Variants in MYH13 observed in about 807,000 individuals in gnomAD.
MYH13 encodes the protein myosin heavy chain 13, also known as myosin-13.
Under a neutral mutation model 232.1 loss-of-function variants are expected in MYH13, and 177 were observed. The observed-to-expected ratio is 0.76, with a 90% confidence interval of 0.67 to 0.86. The LOEUF (loss-of-function observed/expected upper bound fraction) is 0.86, where lower values mean the gene tolerates loss of function less well. MYH13 is among the 40% of genes least tolerant of loss of function. The probability of loss-of-function intolerance (pLI) is 0.00; values close to 1 mark genes in which losing one functional copy is unlikely to be tolerated. For missense variants in MYH13, 2,246 were observed against 2,405.9 expected (o/e 0.93, Z 1.39); for synonymous variants, 884 against 923.5 (o/e 0.96, Z 0.78).
intron 24 of MYH13, among the ~76,000 whole-genome samples, chr17:10,320,938 T>C (rs1990226): frequency 0.14 from 21,856 of 152,178 alleles, 1,979 homozygotes; most frequent in East Asian, 0.41. Flanking sequence ...TGTGTGCACA[T>C]ACACACATGC....
At chr17:10,354,852 C>T (rs1453721949) in intron 10 of MYH13, 43 bp downstream of exon 10, 4 of 1,587,776 alleles carry the variant, frequency 2.5e-6, no homozygotes, top group Non-Finnish European at 3.5e-6. Context: ...TTTTTCCCAA[C>T]GTCACCGATT....
In MYH13 at chr17:10,308,100, G is replaced by A. The variant is rs1484726095; in HGVS notation, c.5170-1036C>T. ...AGAGCTTTGGGAGGCTGAGGCGGGC[G>A]GATCACCTGAAGTCAGGAGATCGAG... On this transcript the variant is annotated intron_variant, in intron 35 of 40. Coordinates refer to ENST00000252172, the MANE Select transcript of MYH13 (RefSeq NM_003802.3). 3.9e-5 allele frequency among the ~76,000 whole-genome samples: 6 copies of A among 151,992 alleles called. No homozygotes were observed. The East Asian group carries it at 5.8e-4, about 15-fold the overall frequency.
intron 29 of MYH13, 128 bp from the exon 30 acceptor site, chr17:10,313,482 A>T: frequency 7.1e-7 from 1 of 1,399,654 alleles, no homozygotes. Context: ...TTGCCATATC[A>T]GCATATCACC....
rs375506104 is a variant in MYH13 at position 10,364,328 on chromosome 17, C to T, written c.203G>A (p.Arg68Gln). 12 of 1,612,264 alleles carry T rather than the reference C, an allele frequency of 7.4e-6. No homozygotes were observed. The highest frequency in any genetic ancestry group is 2.2e-5 in the South Asian group (2 of 90,850). ...DKVIVKTLDD[R>Q]MLTLNNDQVF... ...AAGACATCTGTAATCAACACTCACC[C>T]GGTCATCGAGGGTCTTGACTATGAC... The change falls in exon 3 of 41, where the codon CGG becomes CAG. Residue 68 changes from arginine to glutamine, a missense_variant and splice_region_variant. Physicochemically the swap from Arg to Gln is conservative, Grantham distance 43. Transcript: ENST00000252172.
At chr17:10,307,101 A>G in intron 35 of MYH13, 37 bp from the exon 36 acceptor site, 1 of 1,597,234 alleles carries the variant, frequency 6.3e-7, no homozygotes, top group Non-Finnish European at 8.5e-7. Context: ...TGTGGGTTCT[A>G]TTGGGGCGCT....
intron 2 of MYH13, among the ~76,000 whole-genome samples, chr17:10,365,956 C>T: frequency 6.6e-6 from 1 of 151,730 alleles, no homozygotes; most frequent in Non-Finnish European, 1.5e-5. Context: ...TAAACTATCT[C>T]CCTTTGCTGC....
At chr17:10,340,055 C>T (rs1230974922) in intron 18 of MYH13, 95 bp downstream of exon 18, 3 of 1,048,880 alleles carry the variant, frequency 2.9e-6, no homozygotes, top group African/African-American at 1.6e-5. Context: ...TGATACAGAC[C>T]ATCACTCTTT....
At position 10,340,191 on chromosome 17, in the gene MYH13, T is replaced by A. The variant is rs1452127277; in HGVS notation, c.2015A>T (p.His672Leu). Residue 672 changes from histidine (H) to leucine (L), a missense_variant, in exon 18 of 41, where the codon CAC (histidine) becomes CTC (leucine). Physicochemically the swap from His to Leu is moderately conservative, Grantham distance 99 (BLOSUM62 -3). Coordinates refer to ENST00000252172, the MANE Select transcript of MYH13 (RefSeq NM_003802.3). Reference sequence around the variant, plus strand: ...ATTGGGAATCAGACATCGTACAAAGTGAGGGTGGGTGCTCCTTAAGTTAGT... The same window carrying A: ...ATTGGGAATCAGACATCGTACAAAGAGAGGGTGGGTGCTCCTTAAGTTAGT... ...LMTNLRSTHPHFVRCLIPNET... is the reference protein window; with the variant it reads ...LMTNLRSTHPLFVRCLIPNET... 1.2e-6 allele frequency: 2 copies of A among 1,614,016 alleles called. No homozygotes were observed. The highest frequency in any genetic ancestry group is 2.2e-5 in the South Asian group (2 of 91,052).
Position 10,313,150 on chromosome 17 carries a change from G to A in MYH13, c.4181+8C>T. ...CCCCCTCTGCTATTGCCACCCTGGA[G>A]CCCCTACTTGGCCTCCTCCAGCTCC... On this transcript the variant is annotated splice_region_variant and intron_variant, in intron 30 of 40. Coordinates refer to ENST00000252172, the MANE Select transcript of MYH13 (RefSeq NM_003802.3). 6.2e-7 allele frequency: 1 copy of A among 1,614,050 alleles called. No homozygotes were observed. The highest frequency in any genetic ancestry group is 1.1e-5 in the South Asian group (1 of 91,072).
In MYH13 at chr17:10,345,106, G is replaced by A; in HGVS notation, c.1584+96C>T. 1.1e-5 allele frequency: 18 copies of A among 1,599,740 alleles called. No individual in the cohort carries two copies. The South Asian group carries it at 1.6e-4, about 14-fold the overall frequency. On this transcript the variant is annotated intron_variant, in intron 15 of 40. Coordinates refer to ENST00000252172, the MANE Select transcript of MYH13 (RefSeq NM_003802.3). ...CTATCTGAAGGCTTGCAGCCTGGGG[G>A]CTAGGGGCCCCAATCTGTGAGCAGA...
chr17:10,371,521 C>T lies in MYH13; in HGVS notation c.-63-262G>A, dbSNP rs186108411. Among the ~76,000 whole-genome samples the T allele has an allele frequency of 1.1e-3, 164 of 152,246 alleles. 1 individual carries two copies. The highest frequency in any genetic ancestry group is 1.7e-3 in the Non-Finnish European group (118 of 68,020). ...GTGTGTACAATGTACTGTGTCAGCT[C>T]CTTAAGGGGGTATGAAGAGGAAAGT... On this transcript the variant is annotated intron_variant, in intron 1 of 40. Transcript: ENST00000252172.
chr17:10,320,641 A>T, intron 24 of MYH13, 145 bp from the exon 25 acceptor site: 1 of 870,690 alleles, frequency 1.1e-6, no homozygotes, highest in Non-Finnish European at 1.7e-6. Flanking sequence ...GGAGGAAGCA[A>T]GTCTTGCCCC....
chr17:10,333,686 C>T (rs972002940), intron 18 of MYH13, among the ~76,000 whole-genome samples: 2 of 152,164 alleles, frequency 1.3e-5, no homozygotes, highest in African/African-American at 4.8e-5. Flanking sequence ...GTGGGTGTAT[C>T]GCCTGAGGTC....
In MYH13 at chr17:10,327,960, T is replaced by A; in HGVS notation, c.2597A>T (p.Glu866Val). 1 of 1,614,128 alleles carries A rather than the reference T, an allele frequency of 6.2e-7. No individual in the cohort carries two copies. Among genetic ancestry groups the A allele is most frequent in the Non-Finnish European group, 8.5e-7 (1 of 1,180,022 alleles). Residue 866 changes from glutamate to valine, a missense_variant, in exon 22 of 41, where the codon GAA becomes GTA. Glu to Val is a moderately radical substitution (Grantham distance 121). Coordinates refer to ENST00000252172, the MANE Select transcript of MYH13 (RefSeq NM_003802.3). ...MKEDFERTKEELARSEARRKE... is the reference protein window; with the variant it reads ...MKEDFERTKEVLARSEARRKE... ...CCGGCGAGCCTCAGATCGGGCCAGTTCTTCCTTGGTCCTCTCAAAGTCTTC... is the reference window on the plus strand; with the variant it reads ...CCGGCGAGCCTCAGATCGGGCCAGTACTTCCTTGGTCCTCTCAAAGTCTTC...
rs915448661 is a variant in MYH13, at chr17:10,320,859, A to G, written c.3112-363T>C. On this transcript the variant is annotated intron_variant, in intron 24 of 40. Coordinates refer to ENST00000252172, the MANE Select transcript of MYH13 (RefSeq NM_003802.3). ...GGACAGCACTGTGAAGGTCTGTGCTACACACCATCACGCCTTGCCTGCTAA... is the reference window on the plus strand; with the variant it reads ...GGACAGCACTGTGAAGGTCTGTGCTGCACACCATCACGCCTTGCCTGCTAA... Among the ~76,000 whole-genome samples the G allele has an allele frequency of 5.9e-5, 9 of 152,328 alleles. No homozygotes were observed. In the East Asian group the frequency reaches 7.7e-4, roughly 13 times the overall value.
At chr17:10,369,420 T>TCAAACCCTCAGC (rs559087895) in intron 2 of MYH13, among the ~76,000 whole-genome samples, 160 of 152,358 alleles carry the variant, frequency 1.1e-3, no homozygotes, top group African/African-American at 2.7e-3. Context: ...TTTAAATATC[T>TCAAACCCTCAGC]TACAAATTTC....
chr17:10,315,354 G>A lies in MYH13; in HGVS notation c.3984+339C>T, dbSNP rs143218410. Among the ~76,000 whole-genome samples, 1,031 of 152,266 alleles carry A rather than the reference G, an allele frequency of 6.8e-3. 10 individuals carry two copies. Among genetic ancestry groups the A allele is most frequent in the Middle Eastern group, 0.027 (8 of 294 alleles). ...GTCTTCCAGGCTGGAGTGCAGTGGC[G>A]TGATCTCAGCTCACTGCCACCTCCG... On this transcript the variant is annotated intron_variant, in intron 29 of 40. Coordinates refer to ENST00000252172, the MANE Select transcript of MYH13 (RefSeq NM_003802.3).
chr17:10,347,712 C>CT (rs71139041), intron 12 of MYH13, among the ~76,000 whole-genome samples: 4,827 of 86,654 alleles, frequency 0.056, 317 homozygotes, highest in African/African-American at 0.17. Context: ...GGGACTACTT[C>CT]TTTTTTTTTT....
intron 25 of MYH13, 53 bp from the exon 26 acceptor site, chr17:10,320,296 G>A: frequency 6.2e-7 from 1 of 1,605,612 alleles, no homozygotes; most frequent in Admixed American, 1.7e-5. Context: ...CCTCTTGGAG[G>A]GGGTGAAAGT....
Sources: gnomAD v4.1 joint callset for allele counts (sites outside exome capture counted in the v4.1 genomes callset) on GRCh38, gnomAD v4.1.1 for gene constraint, MANE v1.5 for transcripts, NCBI Gene and HGNC (gene_info 2026-07-23, HGNC 2026-07-21) for gene names.